The following UNC13A variants were observed in gnomAD, a reference collection of about 807,000 sequenced individuals.
UNC13A encodes unc-13 homolog A.
A neutral mutation model predicts 219.7 loss-of-function variants in UNC13A; 61 were observed. The observed-to-expected ratio is 0.28, with a 90% CI of 0.23 to 0.34. The LOEUF is 0.34. Among genes scored for constraint, UNC13A ranks in the 10% least tolerant of loss-of-function variants. The pLI is 1.00. For synonymous variants in UNC13A, 920 were observed against 884.6 expected (o/e 1.04, Z -0.71); for missense variants, 1,476 against 2,270.3 (o/e 0.65, Z 7.11).
In UNC13A at chr19:17,606,123, G is replaced by C; in HGVS notation, c.5043C>G (p.Ala1681=). 1 of 1,595,988 alleles carries C rather than the reference G, an allele frequency of 6.3e-7. No homozygotes were observed. Among genetic ancestry groups the C allele is most frequent in the Middle Eastern group, 1.7e-4 (1 of 5,988 alleles). ...CCGACTTGAGCTTCACGAACTCCTT[G>C]GCCACCTCGTCGTTGCTGCGCTGCG... is the stretch of plus-strand genomic sequence containing the variant. ...ILSQRSNDEV[A]KEFVKLKSDT... is the part of the protein sequence containing the mutation. Residue 1681 remains alanine, a synonymous_variant, in exon 44 of 44, where the codon GCC becomes GCG. Coordinates refer to ENST00000519716, the MANE Select transcript of UNC13A (RefSeq NM_001080421.3).
Position 17,663,585 on chromosome 19 carries a change from A to T in UNC13A, c.524-18T>A, listed in dbSNP as rs1328360031. On this transcript the variant is annotated intron_variant, in intron 7 of 43. Coordinates refer to ENST00000519716, the MANE Select transcript of UNC13A (RefSeq NM_001080421.3). ...CCAGTTGCCTACAAAGAGAAGGGGC[A>T]GAAATAATAAAAGGGAGCAGACAGA... 6.2e-7 allele frequency: 1 copy of T among 1,605,096 alleles called. No individual in the cohort carries two copies.
chr19:17,616,646 C>T (rs2076668532), intron 41 of UNC13A, among the ~76,000 whole-genome samples: 1 of 152,062 alleles, frequency 6.6e-6, no homozygotes, highest in Non-Finnish European at 1.5e-5. Flanking sequence ...TGCAGACAGA[C>T]GGAGAGACAG....
chr19:17,623,667 G>A lies in UNC13A; in HGVS notation c.4198-120C>T, dbSNP rs567595008. The stretch of plus-strand genomic sequence containing the variant: ...ACGGAGGGGCAAGACCCCTGCCCCA[G>A]CCCAGCCCAGAAGAGGTGGAAGGAT... On this transcript the variant is annotated intron_variant, in intron 35 of 43. Coordinates refer to ENST00000519716, the MANE Select transcript of UNC13A (RefSeq NM_001080421.3). 160 of 524,762 alleles carry A rather than the reference G, an allele frequency of 3.0e-4. No homozygotes were observed. In the South Asian group the frequency reaches 3.2e-3, roughly 11 times the overall value. 32.5% of individuals were successfully genotyped at this position (524,762 alleles called of 1,614,324 possible).
chr19:17,637,428 T>C (rs1958116850), intron 25 of UNC13A, among the ~76,000 whole-genome samples: 1 of 151,844 alleles, frequency 6.6e-6, no homozygotes, highest in South Asian at 2.1e-4. Flanking sequence ...CTCCCAAGTA[T>C]CTGGGACTAC....
At chr19:17,618,624 C>T in intron 39 of UNC13A, 123 bp from the exon 40 acceptor site, 1 of 1,002,646 alleles carries the variant, frequency 1.0e-6, no homozygotes, top group South Asian at 1.5e-5. Flanking sequence ...TTTCATCATC[C>T]CAGCACCCAA....
At position 17,668,148 on chromosome 19, in the gene UNC13A, T is replaced by A. The variant is rs745893132; in HGVS notation, c.437A>T (p.Glu146Val). ...CTGGTCCCGCATAGCATTGAGCTGC[T>A]CCAGCTTCTTGGCCCAGTAGCGAGC... The part of the protein sequence containing the change: ...EEARYWAKKL[E>V]QLNAMRDQDE... The change falls in exon 6 of 44, where the codon GAG becomes GTG. Residue 146 changes from glutamate (E) to valine (V), a missense_variant. Transcript: ENST00000519716. The A allele has an allele frequency of 6.2e-7, 1 of 1,613,794 alleles. No individual in the cohort carries two copies. The highest frequency in any genetic ancestry group is 8.5e-7 in the Non-Finnish European group (1 of 1,179,780).
intron 41 of UNC13A, chr19:17,616,581 G>T: frequency 1.9e-6 from 1 of 522,020 alleles, no homozygotes; most frequent in Non-Finnish European, 3.4e-6. Context: ...GGGGAGGCGC[G>T]GAGAGGGGAC....
chr19:17,639,241 G>A, intron 24 of UNC13A, 24 bp from the exon 25 acceptor site: 3 of 1,613,370 alleles, frequency 1.9e-6, no homozygotes, highest in Non-Finnish European at 2.5e-6. Flanking sequence ...GAGAGGCATA[G>A]GCGGCCACAG....
intron 25 of UNC13A, among the ~76,000 whole-genome samples, chr19:17,638,739 G>C (rs559815201): frequency 2.0e-5 from 3 of 151,700 alleles, no homozygotes; most frequent in African/African-American, 7.3e-5. Flanking sequence ...TGAGGCAGGA[G>C]AATCATTTAA....
chr19:17,641,214 T>C (rs763544509), intron 21 of UNC13A, among the ~76,000 whole-genome samples, 179 bp downstream of exon 21: 17 of 152,086 alleles, frequency 1.1e-4, no homozygotes. Context: ...CTCTCTTCCA[T>C]GTCACTCCAG....
chr19:17,615,094 G>C (rs1308020298), intron 41 of UNC13A, among the ~76,000 whole-genome samples: 2 of 152,218 alleles, frequency 1.3e-5, no homozygotes, highest in Non-Finnish European at 2.9e-5. Flanking sequence ...GCAGGGGAAG[G>C]TTCCTCGGAC....
chr19:17,617,945 C>A (rs139040835), intron 40 of UNC13A, 96 bp from the exon 41 acceptor site: 2 of 1,479,414 alleles, frequency 1.4e-6, no homozygotes, highest in East Asian at 4.8e-5. Context: ...CAATTCTTCC[C>A]GCTACTACTT....
Position 17,639,827 on chromosome 19 carries a change from A to T in UNC13A, c.2856+13T>A. The T allele has an allele frequency of 6.2e-7, 1 of 1,613,604 alleles. No homozygotes were observed. Among genetic ancestry groups the T allele is most frequent in the Non-Finnish European group, 8.5e-7 (1 of 1,179,702 alleles). ...GCGTGGGGTGAGCAAATTCTCATGC[A>T]CACACTTCCTACCCGGTACATGGAG... On this transcript the variant is annotated intron_variant, in intron 23 of 43. Transcript: ENST00000519716.
rs533423563 is a variant in UNC13A, at chr19:17,608,870, C to G, written c.4811+1070G>C. Among the ~76,000 whole-genome samples, 12 of 149,322 alleles carry G rather than the reference C, an allele frequency of 8.0e-5. No homozygotes were observed. In the South Asian group the frequency reaches 2.6e-3, roughly 32 times the overall value. ...TTCACCATGTTGGCCAGGCTGGTCT[C>G]GAACTCCTGGCCTCAAGTTATCTGC... On this transcript the variant is annotated intron_variant, in intron 43 of 43. Coordinates refer to ENST00000519716, the MANE Select transcript of UNC13A (RefSeq NM_001080421.3).
Position 17,641,452 on chromosome 19 carries a change from C to G in UNC13A, c.2577G>C (p.Gln859His). 1 of 1,614,174 alleles carries G rather than the reference C, an allele frequency of 6.2e-7. No individual in the cohort carries two copies. The highest frequency in any genetic ancestry group is 8.5e-7 in the Non-Finnish European group (1 of 1,180,022). Residue 859 changes from glutamine (Q) to histidine (H), a missense_variant, in exon 21 of 44, where the codon CAG becomes CAC. By Grantham distance (24) the Gln-to-His change is conservative. Transcript: ENST00000519716. ...AWKVYYDETA[Q>H]EIVDEFAMRY... Reference sequence around the variant, plus strand: ...GCATGGCAAACTCGTCCACAATCTCCTGGGCTGTCTCATCGTAGTAAACCT... The same window carrying G: ...GCATGGCAAACTCGTCCACAATCTCGTGGGCTGTCTCATCGTAGTAAACCT...
intron 33 of UNC13A, 115 bp from the exon 34 acceptor site, chr19:17,626,900 G>T: frequency 7.1e-7 from 1 of 1,413,876 alleles, no homozygotes; most frequent in Non-Finnish European, 9.3e-7. Context: ...AACCGAGCAA[G>T]AATGGAGAAC....
chr19:17,641,679 C>CTTTTTTTTTTTTTTT, intron 20 of UNC13A, 123 bp from the exon 21 acceptor site: 1 of 1,012,636 alleles, frequency 9.9e-7, no homozygotes, highest in Non-Finnish European at 1.4e-6. Flanking sequence ...CATTCATCTA[C>CTTTTTTTTTTTTTTT]TCTTTTATCC....
chr19:17,670,016 G>A (rs1222365384), intron 4 of UNC13A, among the ~76,000 whole-genome samples: 35 of 138,412 alleles, frequency 2.5e-4, no homozygotes, highest in African/African-American at 8.1e-4. Context: ...GCGCGATCTC[G>A]GCTCACTGCA....
intron 41 of UNC13A, chr19:17,616,317 A>G: frequency 1.5e-6 from 1 of 646,692 alleles, no homozygotes; most frequent in South Asian, 1.7e-5. Flanking sequence ...CCCTTGAGGC[A>G]GAAGGACGAT....
Sources: allele counts gnomAD v4.1 joint callset (sites outside exome capture counted in the v4.1 genomes callset), GRCh38; gene constraint gnomAD v4.1.1; transcripts MANE v1.5; gene names NCBI Gene and HGNC (gene_info 2026-07-23, HGNC 2026-07-21).